The following KDM5B variants were observed in gnomAD, a reference collection of about 807,000 sequenced individuals.
KDM5B encodes lysine-specific demethylase 5B.
KDM5B carries 144 observed loss-of-function variants against 193.4 expected under a neutral mutation model. The ratio of observed to expected loss-of-function variants is 0.74; its 90% CI spans 0.65 to 0.86. The LOEUF (loss-of-function observed/expected upper bound fraction) is 0.86. KDM5B is among the 40% of genes least tolerant of loss of function. The pLI, the probability that KDM5B is intolerant of heterozygous loss-of-function variation, is 0.00. For missense variants in KDM5B, 1,833 were observed against 1,886.9 expected (o/e 0.97, Z 0.53); for synonymous variants, 668 against 682.6 (o/e 0.98, Z 0.33).
intron 23 of KDM5B, among the ~76,000 whole-genome samples, chr1:202,732,450 ACTC>A (rs1039909221): frequency 6.6e-6 from 1 of 152,050 alleles, no homozygotes; most frequent in Non-Finnish European, 1.5e-5. Flanking sequence ...AGAAAGGTAA[ACTC>A]CTAGCACATC....
chr1:202,734,753 AG>A (rs1218847890), intron 22 of KDM5B, among the ~76,000 whole-genome samples: 1 of 152,226 alleles, frequency 6.6e-6, no homozygotes, highest in East Asian at 1.9e-4. Flanking sequence ...AAATAAATCA[AG>A]GCAACCCATG....
chr1:202,802,986 C>T (rs369649728), intron 1 of KDM5B, among the ~76,000 whole-genome samples: 78 of 151,916 alleles, frequency 5.1e-4, no homozygotes, highest in African/African-American at 1.8e-3. Context: ...AGCGGGAGAA[C>T]TGCTTGAAGC....
Position 202,775,088 on chromosome 1 carries a change from T to A in KDM5B, c.283-353A>T, listed in dbSNP as rs990494674. ...AACCCCCCATCTCTATTAACAAAAA[T>A]CAGCCTAGTGTGGTGGCGCGTGCCT... On this transcript the variant is annotated intron_variant, in intron 2 of 26. Coordinates refer to ENST00000367265, the MANE Select transcript of KDM5B (RefSeq NM_006618.5). Among the ~76,000 whole-genome samples, 10 of 145,284 alleles carry A rather than the reference T, an allele frequency of 6.9e-5. 1 individual carries two copies. In the South Asian group the frequency reaches 2.2e-3, roughly 32 times the overall value.
chr1:202,729,008 A>T lies in KDM5B; in HGVS notation c.*28T>A. ...CTTGGTTGGAGTCCTGAATTACATT[A>T]AGTAGGGGGGTATCTGTTTTTGTGT... On this transcript the variant is annotated 3_prime_UTR_variant, in exon 27 of 27. Transcript: ENST00000367265. The T allele has an allele frequency of 1.9e-6, 3 of 1,613,626 alleles. No individual in the cohort carries two copies. The highest frequency in any genetic ancestry group is 2.5e-6 in the Non-Finnish European group (3 of 1,179,666).
intron 20 of KDM5B, among the ~76,000 whole-genome samples, chr1:202,736,776 G>GGATTAC (rs1655114556): frequency 6.6e-6 from 1 of 151,944 alleles, no homozygotes. Flanking sequence ...CGGGTAGCTG[G>GGATTAC]GATTACAGGC....
At position 202,808,093 on chromosome 1, in the gene KDM5B, G is replaced by C. The variant is rs752729901; in HGVS notation, c.204+9C>G. 6 of 1,609,686 alleles carry C rather than the reference G, an allele frequency of 3.7e-6. No homozygotes were observed. The highest frequency in any genetic ancestry group is 1.3e-5 in the African/African-American group (1 of 74,368). ...CACGAGCTGGATCCGGGGTGCTGGC[G>C]TGACTCACCGGCGGCGGCCGCACCT... On this transcript the variant is annotated intron_variant, in intron 1 of 26. Coordinates refer to ENST00000367265, the MANE Select transcript of KDM5B (RefSeq NM_006618.5).
At position 202,733,341 on chromosome 1, in the gene KDM5B, G is replaced by T. The variant is rs192249309; in HGVS notation, c.3909+60C>A. ...ATAGCAACACCAAAGCTACAGGTTCGAGAGAAAGGTACAGAGCTTTGCAAA... is the reference window on the plus strand; with the variant it reads ...ATAGCAACACCAAAGCTACAGGTTCTAGAGAAAGGTACAGAGCTTTGCAAA... On this transcript the variant is annotated intron_variant, in intron 23 of 26. Transcript: ENST00000367265. 4.4e-4 allele frequency: 692 copies of T among 1,555,798 alleles called. 2 individuals carry two copies. The African/African-American group carries it at 8.2e-3, about 18-fold the overall frequency.
intron 1 of KDM5B, among the ~76,000 whole-genome samples, chr1:202,789,115 G>A (rs552352620): frequency 2.0e-5 from 3 of 152,144 alleles, no homozygotes; most frequent in East Asian, 3.9e-4. Flanking sequence ...GTCAAGAAAC[G>A]AACAGAAGTG....
intron 9 of KDM5B, 23 bp downstream of exon 9, chr1:202,758,368 C>T: frequency 1.9e-6 from 3 of 1,553,254 alleles, no homozygotes; most frequent in Non-Finnish European, 2.6e-6. Flanking sequence ...AATCCTAAAT[C>T]AAAGCAGTAT....
intron 1 of KDM5B, among the ~76,000 whole-genome samples, chr1:202,789,961 G>A (rs1243381043): frequency 3.9e-5 from 6 of 152,244 alleles, no homozygotes; most frequent in Admixed American, 6.5e-5. Context: ...AGTGGCTCAC[G>A]CCTGTAATCC....
chr1:202,765,424 T>C (rs565555090), intron 5 of KDM5B, among the ~76,000 whole-genome samples: 11 of 152,350 alleles, frequency 7.2e-5, no homozygotes, highest in Non-Finnish European at 1.2e-4. Flanking sequence ...TGTTTATTCA[T>C]ACATTTTAAT....
At chr1:202,783,740 G>A (rs1222743109) in intron 1 of KDM5B, among the ~76,000 whole-genome samples, 1 of 152,058 alleles carries the variant, frequency 6.6e-6, no homozygotes, top group African/African-American at 2.4e-5. Flanking sequence ...AATTAGCCAG[G>A]CGTGGTGGCG....
intron 22 of KDM5B, among the ~76,000 whole-genome samples, chr1:202,734,297 TA>T (rs35019533): frequency 0.019 from 1,985 of 102,528 alleles, 49 homozygotes; most frequent in African/African-American, 0.07. Context: ...TTATCTCTAT[TA>T]AAAAAAAAAA....
At chr1:202,739,632 T>C (rs927361266) in intron 20 of KDM5B, among the ~76,000 whole-genome samples, 6 of 152,148 alleles carry the variant, frequency 3.9e-5, no homozygotes, top group Admixed American at 6.5e-5. Context: ...CCTTCGGCAG[T>C]GTTTGTGTCC....
At chr1:202,792,676 A>G (rs1176109644) in intron 1 of KDM5B, among the ~76,000 whole-genome samples, 1 of 152,206 alleles carries the variant, frequency 6.6e-6, no homozygotes, top group African/African-American at 2.4e-5. Context: ...GGTGGCCAGA[A>G]GGAAGAGAGA....
chr1:202,747,215 T>G (rs1290564163), intron 14 of KDM5B, among the ~76,000 whole-genome samples: 1 of 152,164 alleles, frequency 6.6e-6, no homozygotes, highest in African/African-American at 2.4e-5. Context: ...GCTAATTAGA[T>G]TTTGGTTTTA....
chr1:202,807,813 G>A (rs925642488), intron 1 of KDM5B, among the ~76,000 whole-genome samples: 2 of 151,576 alleles, frequency 1.3e-5, no homozygotes, highest in African/African-American at 4.9e-5. Flanking sequence ...CACTCCATCC[G>A]GAACCGAACC....
At chr1:202,753,095 A>G (rs1217000899) in intron 11 of KDM5B, 28 bp from the exon 12 acceptor site, 2 of 1,592,572 alleles carry the variant, frequency 1.3e-6, no homozygotes, top group South Asian at 1.1e-5. Flanking sequence ...AAATAAATCA[A>G]TCTGCAACAC....
At chr1:202,786,196 G>A (rs1400105504) in intron 1 of KDM5B, among the ~76,000 whole-genome samples, 5 of 105,934 alleles carry the variant, frequency 4.7e-5, no homozygotes, top group South Asian at 4.7e-4. Context: ...GGGGGTGGGG[G>A]GGGGGGTCTC....
Sources: gnomAD v4.1 joint callset for allele counts (sites outside exome capture counted in the v4.1 genomes callset) on GRCh38, gnomAD v4.1.1 for gene constraint, MANE v1.5 for transcripts, NCBI Gene and HGNC (gene_info 2026-07-23, HGNC 2026-07-21) for gene names.